The following RUSC2 variants were observed in gnomAD, a reference collection of about 807,000 sequenced individuals.
RUSC2 encodes RUN and SH3 domain containing 2, also known as AP-4 complex accessory subunit RUSC2.
In RUSC2, 34 loss-of-function variants were observed where a neutral mutation model predicts 122.2. That is an observed-to-expected ratio of 0.28 (90% CI 0.21 to 0.37). The LOEUF (loss-of-function observed/expected upper bound fraction) is 0.37, where lower values mean the gene tolerates loss of function less well. Ranked by LOEUF, RUSC2 falls within the 10% of genes least tolerant of loss-of-function variation. The pLI is 1.00. For missense variants in RUSC2, 1,747 were observed against 1,952.4 expected (o/e 0.89, Z 1.98); for synonymous variants, 784 against 790.0 (o/e 0.99, Z 0.13).
Position 35,555,240 on chromosome 9 carries a change from C to T in RUSC2, c.2195C>T (p.Ala732Val). Residue 732 changes from alanine to valine, a missense_variant, in exon 3 of 12, where the codon GCC (alanine) becomes GTC (valine). Physicochemically the swap from Ala to Val is moderately conservative, Grantham distance 64. Coordinates refer to ENST00000361226, the MANE Select transcript of RUSC2 (RefSeq NM_014806.5). This position sits in a 1 kb window ranked among gnomAD's most constrained non-coding sequence, Gnocchi z 4.6. Reference protein sequence around the residue: ...LSGCSRTQQPAPLAAPAAQVS... With the variant: ...LSGCSRTQQPVPLAAPAAQVS... ...GGCTGCAGCCGTACACAGCAGCCTG[C>T]CCCACTGGCTGCCCCTGCTGCTCAA... 1 of 1,613,070 alleles carries T rather than the reference C, an allele frequency of 6.2e-7. No homozygotes were observed. Among genetic ancestry groups the T allele is most frequent in the Non-Finnish European group, 8.5e-7 (1 of 1,179,992 alleles).
At position 35,557,294 on chromosome 9, in the gene RUSC2, C is replaced by T. The variant is rs760041716; in HGVS notation, c.2984-620C>T. Among the ~76,000 whole-genome samples the T allele has an allele frequency of 6.6e-6, 1 of 152,022 alleles. No homozygotes were observed. The highest frequency in any genetic ancestry group is 1.5e-5 in the Non-Finnish European group (1 of 68,018). On this transcript the variant is annotated intron_variant, in intron 5 of 11. Coordinates refer to ENST00000361226, the MANE Select transcript of RUSC2 (RefSeq NM_014806.5). The surrounding 1 kb of genome is among the most constrained non-coding windows in gnomAD (Gnocchi z 4.6). ...AATCAGAGCTCAGGGAGAAAGAACC[C>T]GGGCAAGAAGGGAAACGGCCACCTT...
chr9:35,549,407 T>C (rs1247077391), intron 2 of RUSC2, among the ~76,000 whole-genome samples: 1 of 152,112 alleles, frequency 6.6e-6, no homozygotes, highest in Non-Finnish European at 1.5e-5. Flanking sequence ...TAAATAAATA[T>C]TTTATACCAG....
At chr9:35,514,702 G>A (rs1405862233) in intron 1 of RUSC2, among the ~76,000 whole-genome samples, 6 of 152,098 alleles carry the variant, frequency 3.9e-5, no homozygotes, top group African/African-American at 1.4e-4. Flanking sequence ...ATCAGCAACG[G>A]AAGTACAGAG....
At chr9:35,556,793 C>T (rs966335636) in intron 5 of RUSC2, among the ~76,000 whole-genome samples, 5 of 152,210 alleles carry the variant, frequency 3.3e-5, no homozygotes, top group Non-Finnish European at 7.3e-5. Flanking sequence ...CACCATTGCA[C>T]TCCAGCCTGG....
Position 35,561,649 on chromosome 9 carries a change from A to G in RUSC2, c.*267A>G. ...CTGGCCCGTCTGGGCCAACCCTTCCATGGGTGAAGACAAGCAAGTCCCCCT... is the reference window on the plus strand; with the variant it reads ...CTGGCCCGTCTGGGCCAACCCTTCCGTGGGTGAAGACAAGCAAGTCCCCCT... On this transcript the variant is annotated 3_prime_UTR_variant, in exon 12 of 12. Coordinates refer to ENST00000361226, the MANE Select transcript of RUSC2 (RefSeq NM_014806.5). 1.8e-6 allele frequency: 1 copy of G among 548,596 alleles called. No individual in the cohort carries two copies. Among genetic ancestry groups the G allele is most frequent in the Admixed American group, 3.3e-5 (1 of 30,638 alleles). 34.0% of individuals were successfully genotyped at this position (548,596 alleles called of 1,614,324 possible).
chr9:35,490,521 C>T (rs1183785439), intron 1 of RUSC2, among the ~76,000 whole-genome samples: 1 of 152,158 alleles, frequency 6.6e-6, no homozygotes, highest in African/African-American at 2.4e-5. Flanking sequence ...CACAAAACGA[C>T]TCGCGCCCAG....
In RUSC2 at chr9:35,546,845, T is replaced by C; in HGVS notation, c.324T>C (p.Gly108=). ...ACAACCCCTTCTTGCTGCAGGAGGG[T>C]GTGGGTGAGCCAGGACTTGGTGACC... ...KRHNPFLLQE[G]VGEPGLGDLY... The change falls in exon 2 of 12, where the codon GGT becomes GGC. Residue 108 remains glycine, a synonymous_variant. Coordinates refer to ENST00000361226, the MANE Select transcript of RUSC2 (RefSeq NM_014806.5). The surrounding 1 kb of genome is among the most constrained non-coding windows in gnomAD (Gnocchi z 4.3). 1 of 1,609,636 alleles carries C rather than the reference T, an allele frequency of 6.2e-7. No homozygotes were observed. Among genetic ancestry groups the C allele is most frequent in the Non-Finnish European group, 8.5e-7 (1 of 1,178,052 alleles).
At position 35,558,992 on chromosome 9, in the gene RUSC2, T is replaced by C. The variant is rs974104138; in HGVS notation, c.3342-234T>C. Among the ~76,000 whole-genome samples the C allele has an allele frequency of 1.3e-5, 2 of 152,230 alleles. No homozygotes were observed. Among genetic ancestry groups the C allele is most frequent in the Non-Finnish European group, 2.9e-5 (2 of 68,044 alleles). ...CTGTACTTTCACACAGTAGCTGCCT[T>C]GATTTCTTAGGTCTACTGCAGGCTG... is the stretch of plus-strand genomic sequence containing the variant. On this transcript the variant is annotated intron_variant, in intron 8 of 11. Transcript: ENST00000361226. The surrounding 1 kb of genome is among the most constrained non-coding windows in gnomAD (Gnocchi z 4.3).
intron 1 of RUSC2, among the ~76,000 whole-genome samples, chr9:35,544,259 G>T (rs1053783796): frequency 1.3e-5 from 2 of 149,586 alleles, no homozygotes; most frequent in Non-Finnish European, 3.0e-5. Context: ...CTTCTTCAGA[G>T]AAATGCCTAT....
At position 35,560,400 on chromosome 9, in the gene RUSC2, G is replaced by A. The variant is rs780271310; in HGVS notation, c.3760G>A (p.Ala1254Thr). ...GGAGACAGAAGAGGTGGCAGAGGCA[G>A]CCGGGGGCTCAGGGCGTGCCAGGTG... ...EEETEEVAEA[A>T]GGSGRARWAR... The change falls in exon 10 of 12, where the codon GCC (alanine) becomes ACC (threonine). Residue 1254 changes from alanine (A) to threonine (T), a missense_variant. Transcript: ENST00000361226. 1.5e-5 allele frequency: 25 copies of A among 1,613,968 alleles called. No homozygotes were observed. The highest frequency in any genetic ancestry group is 2.0e-5 in the Non-Finnish European group (24 of 1,180,014).
At chr9:35,534,128 C>T (rs979106176) in intron 1 of RUSC2, among the ~76,000 whole-genome samples, 4 of 152,138 alleles carry the variant, frequency 2.6e-5, no homozygotes, top group Admixed American at 6.6e-5. Context: ...GTGTGATTGC[C>T]TGCCTTTTTT....
At chr9:35,512,073 C>A (rs763717674) in intron 1 of RUSC2, among the ~76,000 whole-genome samples, 2 of 151,876 alleles carry the variant, frequency 1.3e-5, no homozygotes, top group African/African-American at 2.4e-5. Context: ...CCCAGCTACT[C>A]GGGAGGATGA....
chr9:35,515,799 G>A lies in RUSC2; in HGVS notation c.-93+25627G>A, dbSNP rs1821090740. Among the ~76,000 whole-genome samples, 4 of 151,886 alleles carry A rather than the reference G, an allele frequency of 2.6e-5. No homozygotes were observed. In the South Asian group the frequency reaches 8.3e-4, roughly 32 times the overall value. On this transcript the variant is annotated intron_variant, in intron 1 of 11. Transcript: ENST00000361226. The stretch of plus-strand genomic sequence containing the variant: ...GGATCACTTGAGGCCAGGAAGTTGG[G>A]AACAGCCTGGCCAACATGGGGAAAC...
chr9:35,546,396 A>T lies in RUSC2; in HGVS notation c.-92-34A>T, dbSNP rs1271328562. 2 of 610,460 alleles carry T rather than the reference A, an allele frequency of 3.3e-6. No homozygotes were observed. The highest frequency in any genetic ancestry group is 2.5e-6 in the Non-Finnish European group (1 of 404,964). 37.8% of individuals were successfully genotyped at this position (610,460 alleles called of 1,614,324 possible). A position where few individuals can be genotyped will look rare whatever the true frequency, so the allele number is the denominator to read the frequency against. On this transcript the variant is annotated intron_variant, in intron 1 of 11. Transcript: ENST00000361226. The surrounding 1 kb of genome is among the most constrained non-coding windows in gnomAD (Gnocchi z 4.3). Reference sequence around the variant, plus strand: ...CATGCCCCTGACTTCCAGGGAGGTGACATTAGGTTCCCTTTCTTTCCCTCT... The same window carrying T: ...CATGCCCCTGACTTCCAGGGAGGTGTCATTAGGTTCCCTTTCTTTCCCTCT...
chr9:35,492,882 G>C (rs1291168224), intron 1 of RUSC2, among the ~76,000 whole-genome samples: 2 of 151,952 alleles, frequency 1.3e-5, no homozygotes, highest in Non-Finnish European at 1.5e-5. Flanking sequence ...TTCTATCTTT[G>C]AATTTGACTA....
intron 1 of RUSC2, among the ~76,000 whole-genome samples, chr9:35,497,530 C>T (rs1002599751): frequency 1.3e-5 from 2 of 152,164 alleles, no homozygotes; most frequent in East Asian, 1.9e-4. Flanking sequence ...TGCTACTTCT[C>T]CTGAAGTCGG....
chr9:35,554,885 A>G (rs1374799796), intron 2 of RUSC2, among the ~76,000 whole-genome samples, 175 bp from the exon 3 acceptor site: 1 of 152,172 alleles, frequency 6.6e-6, no homozygotes, highest in African/African-American at 2.4e-5. Context: ...TAAAAGCAAT[A>G]GGAAGCGTTT....
intron 1 of RUSC2, among the ~76,000 whole-genome samples, chr9:35,535,697 C>A (rs1821511195): frequency 1.3e-5 from 2 of 151,960 alleles, no homozygotes; most frequent in African/African-American, 4.8e-5. Context: ...CACCACCACG[C>A]CCGGCTAATT....
chr9:35,519,931 G>C lies in RUSC2; in HGVS notation c.-92-26499G>C, dbSNP rs570283572. ...AAGTAATGTGTCAGAGTTGGACCCA[G>C]ACTTGTCTTAACACCAAAATCCATG... On this transcript the variant is annotated intron_variant, in intron 1 of 11. Coordinates refer to ENST00000361226, the MANE Select transcript of RUSC2 (RefSeq NM_014806.5). Among the ~76,000 whole-genome samples the C allele has an allele frequency of 3.7e-4, 57 of 152,206 alleles. No individual in the cohort carries two copies. In the East Asian group the frequency reaches 7.9e-3, roughly 21 times the overall value.
Sources: allele counts gnomAD v4.1 joint callset (sites outside exome capture counted in the v4.1 genomes callset), GRCh38; gene constraint gnomAD v4.1.1; non-coding constraint Gnocchi (gnomAD v3.1); transcripts MANE v1.5; gene names NCBI Gene and HGNC (gene_info 2026-07-23, HGNC 2026-07-21).